The following DCHS2 variants were observed in gnomAD, a reference collection of about 807,000 sequenced individuals.
The protein encoded by DCHS2 is protocadherin-23.
DCHS2 carries 142 observed loss-of-function variants against 182.4 expected under a neutral mutation model. That is an observed-to-expected ratio of 0.78 (90% confidence interval 0.68 to 0.89). DCHS2 has a LOEUF of 0.89. Ranked by LOEUF, DCHS2 falls within the 40% of genes least tolerant of loss-of-function variation. The pLI is 0.00. For synonymous variants in DCHS2, 1,740 were observed against 1,663.3 expected (o/e 1.05, Z -1.12); for missense variants, 4,319 against 4,198.6 (o/e 1.03, Z -0.79).
At chr4:154,381,904 T>C (rs1223999399) in intron 1 of DCHS2, among the ~76,000 whole-genome samples, 1 of 152,130 alleles carries the variant, frequency 6.6e-6, no homozygotes, top group African/African-American at 2.4e-5. Context: ...AAACTACCAA[T>C]GTAATTTTAC....
At chr4:154,317,722 A>G (rs368984336) in intron 9 of DCHS2, among the ~76,000 whole-genome samples, 2 of 152,200 alleles carry the variant, frequency 1.3e-5, no homozygotes, top group East Asian at 3.8e-4. Flanking sequence ...GAAAATTTGT[A>G]CATTTACTCT....
intron 3 of DCHS2, among the ~76,000 whole-genome samples, chr4:154,347,901 T>C (rs1398109301): frequency 6.6e-6 from 1 of 151,964 alleles, no homozygotes; most frequent in Non-Finnish European, 1.5e-5. Flanking sequence ...ATGGTACAGA[T>C]TTCTGGTCCA....
intron 10 of DCHS2, among the ~76,000 whole-genome samples, chr4:154,307,400 T>G (rs9991926): frequency 0.059 from 8,875 of 151,260 alleles, 858 homozygotes; most frequent in African/African-American, 0.2. Context: ...TATGTGTGTA[T>G]GCACACCAGT....
intron 1 of DCHS2, among the ~76,000 whole-genome samples, chr4:154,487,214 G>A (rs1728619569): frequency 6.6e-6 from 1 of 152,174 alleles, no homozygotes; most frequent in Non-Finnish European, 1.5e-5. Context: ...CACCTATTAT[G>A]ACTTTCATTT....
chr4:154,260,319 A>G (rs1457886960), intron 14 of DCHS2, among the ~76,000 whole-genome samples: 1 of 152,070 alleles, frequency 6.6e-6, no homozygotes, highest in East Asian at 1.9e-4. Context: ...CCTGGGAGCT[A>G]TCTCTCTCCA....
chr4:154,332,497 G>A lies in DCHS2; in HGVS notation c.3711C>T (p.Phe1237=). ...TGCTACCTGTATTAGGATTCATCTT[G>A]AAGAATTTTCCATCAGACAAAAGGA... ...LYFLLSDGKF[F]KMNPNTGELI... The change falls in exon 5 of 20, where the codon TTC becomes TTT. Residue 1237 remains phenylalanine, a synonymous_variant. Transcript: ENST00000357232. 6.2e-7 allele frequency: 1 copy of A among 1,612,890 alleles called. No homozygotes were observed. Among genetic ancestry groups the A allele is most frequent in the Non-Finnish European group, 8.5e-7 (1 of 1,179,300 alleles).
chr4:154,310,835 T>C (rs1017207909), intron 10 of DCHS2, among the ~76,000 whole-genome samples: 5 of 152,226 alleles, frequency 3.3e-5, no homozygotes, highest in Admixed American at 3.3e-4. Flanking sequence ...AAGTAGCAAG[T>C]AACTTAGATG....
At chr4:154,435,535 G>A (rs1733742483) in intron 1 of DCHS2, among the ~76,000 whole-genome samples, 1 of 151,712 alleles carries the variant, frequency 6.6e-6, no homozygotes. Flanking sequence ...GGCAGAGCTT[G>A]CAGTGAGCCC....
intron 13 of DCHS2, among the ~76,000 whole-genome samples, chr4:154,278,963 A>G (rs1359975605): frequency 6.6e-6 from 1 of 152,196 alleles, no homozygotes; most frequent in Non-Finnish European, 1.5e-5. Flanking sequence ...TGTAAAGGTA[A>G]ATATAATATG....
chr4:154,430,884 G>C (rs956241560), intron 1 of DCHS2, among the ~76,000 whole-genome samples: 1 of 152,128 alleles, frequency 6.6e-6, no homozygotes, highest in Non-Finnish European at 1.5e-5. Context: ...GTGTCCACAC[G>C]TGCAAGTGCT....
At chr4:154,311,486 C>A (rs1226627927) in intron 10 of DCHS2, among the ~76,000 whole-genome samples, 1 of 152,098 alleles carries the variant, frequency 6.6e-6, no homozygotes, top group African/African-American at 2.4e-5. Flanking sequence ...CCTCCCACCT[C>A]GGCCTTCCAA....
At chr4:154,438,315 C>T (rs1276385013) in intron 1 of DCHS2, among the ~76,000 whole-genome samples, 7 of 152,202 alleles carry the variant, frequency 4.6e-5, no homozygotes, top group Admixed American at 2.6e-4. Flanking sequence ...CAATGGCAAG[C>T]GATGCCCAAG....
rs117275572 is a variant in DCHS2 at position 154,410,008 on chromosome 4, C to G, written c.2053-32564G>C. The stretch of plus-strand genomic sequence containing the variant: ...TCCCAACTGGCACACTAAGACCCAC[C>G]TGTAGTGAAAGTTTTTCCTTACAAA... On this transcript the variant is annotated intron_variant, in intron 1 of 19. Transcript: ENST00000357232. Among the ~76,000 whole-genome samples, 71 of 152,216 alleles carry G rather than the reference C, an allele frequency of 4.7e-4. No homozygotes were observed. In the East Asian group the frequency reaches 0.011, roughly 24 times the overall value.
intron 1 of DCHS2, among the ~76,000 whole-genome samples, chr4:154,391,592 G>A (rs1731707906): frequency 6.6e-6 from 1 of 152,174 alleles, no homozygotes; most frequent in Non-Finnish European, 1.5e-5. Flanking sequence ...AAAAAGACAA[G>A]GCGATGGGCA....
In DCHS2 at chr4:154,278,426, G is replaced by C. The variant is rs559924806; in HGVS notation, c.6464-8413C>G. 2.0e-5 allele frequency among the ~76,000 whole-genome samples: 3 copies of C among 151,676 alleles called. No individual in the cohort carries two copies. The East Asian group carries it at 5.8e-4, about 29-fold the overall frequency. On this transcript the variant is annotated intron_variant, in intron 13 of 19. Transcript: ENST00000357232. The stretch of plus-strand genomic sequence containing the variant: ...TATGAAAGCTCAGAAGGAGAAGAGG[G>C]AAACAAAGGAAAATGGGTAAAAAGC...
intron 13 of DCHS2, among the ~76,000 whole-genome samples, chr4:154,284,288 A>G (rs1430456317): frequency 1.3e-5 from 2 of 152,218 alleles, no homozygotes; most frequent in African/African-American, 4.8e-5. Flanking sequence ...TATTTCTACC[A>G]AATGTTTTAT....
Position 154,334,706 on chromosome 4 carries a change from A to G in DCHS2, c.2713+162T>C, listed in dbSNP as rs1578978485. On this transcript the variant is annotated intron_variant, in intron 4 of 19. Coordinates refer to ENST00000357232, the MANE Select transcript of DCHS2 (RefSeq NM_001358235.2). ...AAAAAAAATTGTGGGATGGACAGAA[A>G]CAATGTTGGAAGAACAAAGAGCAAG... is the stretch of plus-strand genomic sequence containing the variant. The G allele has an allele frequency of 5.0e-6, 3 of 604,398 alleles. No homozygotes were observed. The East Asian group carries it at 8.2e-5, about 16-fold the overall frequency. 37.4% of individuals were successfully genotyped at this position (604,398 alleles called of 1,614,324 possible). A position where few individuals can be genotyped will look rare whatever the true frequency, so the allele number is the denominator to read the frequency against.
Position 154,235,356 on chromosome 4 carries a change from C to T in DCHS2, c.9296G>A (p.Gly3099Glu), listed in dbSNP as rs558435505. 7.4e-6 allele frequency: 12 copies of T among 1,614,046 alleles called. No homozygotes were observed. The highest frequency in any genetic ancestry group is 1.7e-4 in the Middle Eastern group (1 of 6,060). ...SNSSGHCSVE[G>E]ETAEDKEIQR... is the part of the protein sequence containing the mutation. Reference sequence around the variant, plus strand: ...GATTTCCTTATCTTCTGCAGTTTCTCCTTCCACAGAACAGTGGCCACTGGA... The same window carrying T: ...GATTTCCTTATCTTCTGCAGTTTCTTCTTCCACAGAACAGTGGCCACTGGA... Residue 3099 changes from glycine to glutamate, a missense_variant, in exon 20 of 20, where the codon GGA becomes GAA. Gly to Glu is a moderately conservative substitution (Grantham distance 98). Transcript: ENST00000357232.
At chr4:154,486,281 C>CTCTTCTGCCCCTGGATTTCTTTA (rs1728582431) in intron 1 of DCHS2, among the ~76,000 whole-genome samples, 1 of 152,160 alleles carries the variant, frequency 6.6e-6, no homozygotes. Flanking sequence ...AGAGTTCAGC[C>CTCTTCTGCCCCTGGATTTCTTTA]AACACTCGGA....
Sources: allele counts gnomAD v4.1 joint callset (sites outside exome capture counted in the v4.1 genomes callset), GRCh38; gene constraint gnomAD v4.1.1; transcripts MANE v1.5; gene names NCBI Gene and HGNC (gene_info 2026-07-23, HGNC 2026-07-21).